The following RALGPS1 variants were observed in gnomAD, a reference collection of about 807,000 sequenced individuals.
RALGPS1 encodes the protein Ral GEF with PH domain and SH3 binding motif 1.
A neutral mutation model predicts 78.8 loss-of-function variants in RALGPS1; 19 were observed. The ratio of observed to expected loss-of-function variants is 0.24; its 90% CI spans 0.17 to 0.35. The LOEUF (loss-of-function observed/expected upper bound fraction) is 0.35, where lower values mean the gene tolerates loss of function less well. Among genes scored for constraint, RALGPS1 ranks in the 10% least tolerant of loss-of-function variants. The pLI, the probability that RALGPS1 is intolerant of heterozygous loss-of-function variation, is 1.00. For synonymous variants in RALGPS1, 228 were observed against 256.3 expected (o/e 0.89, Z 1.06); for missense variants, 454 against 688.3 (o/e 0.66, Z 3.81).
chr9:127,166,240 T>TA, intron 9 of RALGPS1, 34 bp downstream of exon 9: 1 of 1,607,964 alleles, frequency 6.2e-7, no homozygotes, highest in Non-Finnish European at 8.5e-7. Flanking sequence ...TGTGAAATCT[T>TA]ACGTCATTGA....
intron 10 of RALGPS1, among the ~76,000 whole-genome samples, chr9:127,172,800 G>A (rs1194869139): frequency 6.6e-6 from 1 of 151,776 alleles, no homozygotes; most frequent in Non-Finnish European, 1.5e-5. Flanking sequence ...TTGTTCCACT[G>A]CTCTAAGCAC....
chr9:126,929,768 C>G (rs1009404270), intron 1 of RALGPS1, among the ~76,000 whole-genome samples: 3 of 152,062 alleles, frequency 2.0e-5, no homozygotes, highest in South Asian at 2.1e-4. Flanking sequence ...CCGACTGATA[C>G]AAATTTTTAT....
At chr9:127,174,332 G>T (rs185480439) in intron 10 of RALGPS1, among the ~76,000 whole-genome samples, 5 of 152,094 alleles carry the variant, frequency 3.3e-5, no homozygotes, top group Admixed American at 1.3e-4. Flanking sequence ...AGAAAAGAAA[G>T]AAAAAACTAA....
At chr9:127,210,031 A>G (rs989815729) in intron 14 of RALGPS1, among the ~76,000 whole-genome samples, 1 of 152,240 alleles carries the variant, frequency 6.6e-6, no homozygotes, top group Non-Finnish European at 1.5e-5. Flanking sequence ...TAAAGGAGAA[A>G]GAGGGTGCCT....
At chr9:126,989,806 C>T (rs550297893) in intron 4 of RALGPS1, 10 of 1,505,054 alleles carry the variant, frequency 6.6e-6, no homozygotes, top group South Asian at 2.7e-5. Context: ...TAGAGGGATT[C>T]GATTTCACCC....
chr9:126,980,054 T>A lies in RALGPS1; in HGVS notation c.216+2309T>A, dbSNP rs75883618. Among the ~76,000 whole-genome samples the A allele has an allele frequency of 5.5e-3, 834 of 152,332 alleles. 15 individuals are homozygous for A. The highest frequency in any genetic ancestry group is 0.019 in the African/African-American group (792 of 41,564). ...AAACCCCAGACTTGAACATTTTGGATCTATAACATGTTAGCTAAAAATGGA... is the reference window on the plus strand; with the variant it reads ...AAACCCCAGACTTGAACATTTTGGAACTATAACATGTTAGCTAAAAATGGA... On this transcript the variant is annotated intron_variant, in intron 4 of 18. Coordinates refer to ENST00000259351, the MANE Select transcript of RALGPS1 (RefSeq NM_014636.3).
chr9:127,110,423 G>A (rs1324544692), intron 8 of RALGPS1, among the ~76,000 whole-genome samples: 1 of 152,112 alleles, frequency 6.6e-6, no homozygotes, highest in Non-Finnish European at 1.5e-5. Flanking sequence ...TTTCTCTACT[G>A]TTGAGGGGAC....
chr9:127,079,533 A>G (rs746838706), intron 8 of RALGPS1: 1 of 152,238 alleles, frequency 6.6e-6, no homozygotes, highest in Non-Finnish European at 1.5e-5. Context: ...AGATTAGATC[A>G]TTAAAGACTA....
chr9:127,193,463 G>A (rs554206056), intron 11 of RALGPS1, among the ~76,000 whole-genome samples: 1 of 152,140 alleles, frequency 6.6e-6, no homozygotes, highest in Non-Finnish European at 1.5e-5. Context: ...TGGGAAGGAG[G>A]GGGGACAGCA....
chr9:126,977,911 A>G (rs1419873766), intron 4 of RALGPS1, 166 bp downstream of exon 4: 2 of 507,614 alleles, frequency 3.9e-6, no homozygotes, highest in East Asian at 6.9e-5. Flanking sequence ...TTTTGAGCCC[A>G]GTATTTGGAT....
At chr9:126,918,496 A>T (rs1032309966) in intron 1 of RALGPS1, among the ~76,000 whole-genome samples, 7 of 151,918 alleles carry the variant, frequency 4.6e-5, no homozygotes, top group African/African-American at 1.7e-4. Context: ...TAATTTTTAA[A>T]TTTTTTGTAG....
intron 1 of RALGPS1, among the ~76,000 whole-genome samples, chr9:126,940,376 T>G (rs571571061): frequency 2.6e-5 from 4 of 151,956 alleles, no homozygotes; most frequent in Admixed American, 2.6e-4. Context: ...ACATACTGAA[T>G]AGTGTTTATG....
chr9:126,932,027 T>G (rs1287489387), intron 1 of RALGPS1, among the ~76,000 whole-genome samples: 1 of 152,026 alleles, frequency 6.6e-6, no homozygotes, highest in Non-Finnish European at 1.5e-5. Flanking sequence ...GTTGTTAGGC[T>G]GTTACGTTGG....
At chr9:126,943,955 G>A (rs1449045555) in intron 1 of RALGPS1, among the ~76,000 whole-genome samples, 1 of 152,230 alleles carries the variant, frequency 6.6e-6, no homozygotes, top group Non-Finnish European at 1.5e-5. Context: ...CATCGCAGAA[G>A]GAACAGCAGC....
chr9:127,073,314 C>T (rs1003865751), intron 8 of RALGPS1, among the ~76,000 whole-genome samples: 1 of 152,160 alleles, frequency 6.6e-6, no homozygotes, highest in African/African-American at 2.4e-5. Context: ...TTAGCTAGCA[C>T]ATATGAGTGA....
At chr9:127,170,557 C>A (rs538972260) in intron 10 of RALGPS1, among the ~76,000 whole-genome samples, 1 of 152,328 alleles carries the variant, frequency 6.6e-6, no homozygotes, top group African/African-American at 2.4e-5. Flanking sequence ...AGCATTGGCT[C>A]TTCCTGAAAA....
intron 7 of RALGPS1, among the ~76,000 whole-genome samples, chr9:127,064,672 A>G (rs867760646): frequency 4.6e-5 from 7 of 152,202 alleles, no homozygotes; most frequent in Non-Finnish European, 7.3e-5. Flanking sequence ...TGTATGGTAG[A>G]TGTTGGTTTA....
At chr9:127,166,728 T>C (rs1042428860) in intron 9 of RALGPS1, among the ~76,000 whole-genome samples, 1 of 152,052 alleles carries the variant, frequency 6.6e-6, no homozygotes, top group Admixed American at 6.6e-5. Context: ...CTAGGAGATA[T>C]AATCTAGCTG....
intron 8 of RALGPS1, among the ~76,000 whole-genome samples, chr9:127,110,940 A>C (rs973362146): frequency 3.3e-5 from 5 of 151,872 alleles, no homozygotes; most frequent in Non-Finnish European, 7.4e-5. Flanking sequence ...CCTCAACTTC[A>C]CAGCCAGAGT....
Sources: allele counts gnomAD v4.1 joint callset (sites outside exome capture counted in the v4.1 genomes callset), GRCh38; gene constraint gnomAD v4.1.1; transcripts MANE v1.5; gene names NCBI Gene and HGNC (gene_info 2026-07-23, HGNC 2026-07-21).